Variants in TDRD7 observed in about 807,000 individuals in gnomAD.
TDRD7 encodes the protein tudor domain-containing protein 7.
In TDRD7, 47 loss-of-function variants were observed where a neutral mutation model predicts 109.8. That is an observed-to-expected ratio of 0.43 (90% CI 0.34 to 0.55). TDRD7 has a LOEUF of 0.55. Ranked by LOEUF, TDRD7 falls within the 20% of genes least tolerant of loss-of-function variation. The probability of loss-of-function intolerance (pLI) is 0.03; values close to 1 mark genes in which losing one functional copy is unlikely to be tolerated. For missense variants in TDRD7, 1,164 were observed against 1,319.2 expected, an observed-to-expected ratio of 0.88 and a Z score of 1.82; for synonymous variants, 424 against 457.3, an observed-to-expected ratio of 0.93 and a Z score of 0.93.
In TDRD7 at chr9:97,427,535, C is replaced by A. The variant is rs74637352; in HGVS notation, c.-6-925C>A. Among the ~76,000 whole-genome samples the A allele has an allele frequency of 7.9e-3, 1,199 of 152,274 alleles. 40 individuals are homozygous for A. The East Asian group carries it at 0.1, about 13-fold the overall frequency. ...CCAGCTTAGACTTCTAACCTAATTT[C>A]CTAGTGAATATATCTGCATGGCTGT... On this transcript the variant is annotated intron_variant, in intron 1 of 16. Transcript: ENST00000355295.
rs1016787696 is a variant in TDRD7 at position 97,416,958 on chromosome 9, A to G, written c.-7+4720A>G. On this transcript the variant is annotated intron_variant, in intron 1 of 16. Transcript: ENST00000355295. The stretch of plus-strand genomic sequence containing the variant: ...ACCATTAAATGGAGAAGAATATTGG[A>G]TGGTGATAAGTGCTAAGGAGAAAAT... Among the ~76,000 whole-genome samples the G allele has an allele frequency of 3.3e-5, 5 of 152,188 alleles. No homozygotes were observed. The South Asian group carries it at 6.2e-4, about 19-fold the overall frequency.
At chr9:97,481,564 T>C (rs1156538262) in intron 14 of TDRD7, among the ~76,000 whole-genome samples, 2 of 152,236 alleles carry the variant, frequency 1.3e-5, no homozygotes, top group Non-Finnish European at 2.9e-5. Context: ...TAAAATGAAA[T>C]GTCCTTGAAA....
chr9:97,447,217 C>T lies in TDRD7; in HGVS notation c.855+5342C>T, dbSNP rs369443266. 3.9e-5 allele frequency among the ~76,000 whole-genome samples: 6 copies of T among 152,048 alleles called. No individual in the cohort carries two copies. In the East Asian group the frequency reaches 9.6e-4, roughly 24 times the overall value. On this transcript the variant is annotated intron_variant, in intron 6 of 16. Transcript: ENST00000355295. ...TGAAACAGAAACTACCCATAAGGCC[C>T]CATAGTACACTAGAAGGAGTTTGGG...
chr9:97,451,235 C>T (rs1828485055), intron 6 of TDRD7, among the ~76,000 whole-genome samples: 1 of 152,122 alleles, frequency 6.6e-6, no homozygotes, highest in East Asian at 1.9e-4. Context: ...AGCATCTCTT[C>T]ATTGGTATTT....
Position 97,472,319 on chromosome 9 carries a change from G to C in TDRD7, c.1768G>C (p.Asp590His), listed in dbSNP as rs1828932915. 7 of 1,613,890 alleles carry C rather than the reference G, an allele frequency of 4.3e-6. No homozygotes were observed. The highest frequency in any genetic ancestry group is 1.7e-5 in the Admixed American group (1 of 60,010). ...CTTGGAAGTCCTAAGCGATGACCCTGATCTAGTGAAGGTGGTTGAATCTTT... is the reference window on the plus strand; with the variant it reads ...CTTGGAAGTCCTAAGCGATGACCCTCATCTAGTGAAGGTGGTTGAATCTTT... Reference protein sequence around the residue: ...AGLEVLSDDPDLVKVVESLTC... With the variant: ...AGLEVLSDDPHLVKVVESLTC... The change falls in exon 10 of 17, where the codon GAT becomes CAT. Residue 590 changes from aspartate (D) to histidine (H), a missense_variant. By Grantham distance (81) the Asp-to-His change is moderately conservative. This residue lies in a region of TDRD7 where 261 missense variants were observed against 336.2 expected (regional missense o/e 0.78). Transcript: ENST00000355295.
At chr9:97,467,216 T>C (rs1309854577) in intron 8 of TDRD7, among the ~76,000 whole-genome samples, 1 of 152,248 alleles carries the variant, frequency 6.6e-6, no homozygotes, top group East Asian at 1.9e-4. Context: ...CACAGAGATT[T>C]CTTATGAAGA....
intron 1 of TDRD7, among the ~76,000 whole-genome samples, chr9:97,425,031 CAT>C (rs1291862766): frequency 6.6e-6 from 1 of 152,080 alleles, no homozygotes; most frequent in African/African-American, 2.4e-5. Context: ...TACAGCGCCT[CAT>C]GTGTAGTGTA....
chr9:97,428,547 C>T lies in TDRD7; in HGVS notation c.82C>T (p.Gln28Ter). 4.3e-6 allele frequency: 7 copies of T among 1,614,022 alleles called. No homozygotes were observed. The highest frequency in any genetic ancestry group is 5.9e-6 in the Non-Finnish European group (7 of 1,179,960). The change falls in exon 2 of 17, where the codon CAA becomes TAA. Residue 28 changes from glutamine (Q) to a stop codon, truncating the protein, a stop_gained. Coordinates refer to ENST00000355295, the MANE Select transcript of TDRD7 (RefSeq NM_014290.3). LOFTEE classifies it high-confidence loss of function. ...HKNGVALPRL[Q>*]GEYRSLTGDW... ...GAATGGAGTAGCATTACCCCGGCTC[C>T]AAGGAGAGTACAGATCCTTGACTGG...
In TDRD7 at chr9:97,460,518, A is replaced by G. The variant is rs1564206174; in HGVS notation, c.1196A>G (p.Lys399Arg). Residue 399 changes from lysine to arginine, a missense_variant, in exon 7 of 17, where the codon AAG becomes AGG. By Grantham distance (26) the Lys-to-Arg change is conservative. Transcript: ENST00000355295. ...GACTACATTTCTGGAAATCCCCAGA[A>G]GGCCATTCTCTATGCTAAACTTCCA... ...SIDYISGNPQ[K>R]AILYAKLPLP... 11 of 1,614,246 alleles carry G rather than the reference A, an allele frequency of 6.8e-6. No individual in the cohort carries two copies. Among genetic ancestry groups the G allele is most frequent in the Non-Finnish European group, 7.6e-6 (9 of 1,180,042 alleles).
chr9:97,487,193 A>C lies in TDRD7; in HGVS notation c.2937A>C (p.Lys979Asn). Residue 979 changes from lysine to asparagine, a missense_variant, in exon 16 of 17, where the codon AAA becomes AAC. By Grantham distance (94) the Lys-to-Asn change is moderately conservative. Transcript: ENST00000355295. ...VENKWHRVLLKGILTNGLVSV... is the reference protein window; with the variant it reads ...VENKWHRVLLNGILTNGLVSV... ...CTAGGTGGCACAGGGTGCTTTTAAA[A>C]GGAATCCTGACCAATGGACTGGTAT... The C allele has an allele frequency of 6.2e-7, 1 of 1,613,998 alleles. No individual in the cohort carries two copies. The highest frequency in any genetic ancestry group is 8.5e-7 in the Non-Finnish European group (1 of 1,179,898).
At chr9:97,489,149 T>C (rs984262971) in intron 16 of TDRD7, among the ~76,000 whole-genome samples, 2 of 152,250 alleles carry the variant, frequency 1.3e-5, no homozygotes, top group Non-Finnish European at 2.9e-5. Flanking sequence ...AGATGTTAAT[T>C]ACATCCAGTT....
chr9:97,420,543 G>T (rs1001635015), intron 1 of TDRD7, among the ~76,000 whole-genome samples: 1 of 152,112 alleles, frequency 6.6e-6, no homozygotes, highest in Non-Finnish European at 1.5e-5. Flanking sequence ...CATGTATGTA[G>T]CCTTTTGTGT....
chr9:97,492,553 C>T (rs1343401806), intron 16 of TDRD7, among the ~76,000 whole-genome samples: 1 of 152,176 alleles, frequency 6.6e-6, no homozygotes, highest in Non-Finnish European at 1.5e-5. Context: ...CCTATCCTGT[C>T]TATGTGACTG....
intron 15 of TDRD7, among the ~76,000 whole-genome samples, chr9:97,485,884 A>C (rs1402239812): frequency 6.6e-6 from 1 of 152,128 alleles, no homozygotes; most frequent in Non-Finnish European, 1.5e-5. Flanking sequence ...TCTGTGTCCC[A>C]GTTGTCTCTG....
rs1829193320 is a variant in TDRD7, at chr9:97,485,246, A to T, written c.2915+1895A>T. Among the ~76,000 whole-genome samples, 4 of 152,208 alleles carry T rather than the reference A, an allele frequency of 2.6e-5. 1 individual carries two copies. Among genetic ancestry groups the T allele is most frequent in the Admixed American group, 2.6e-4 (4 of 15,278 alleles). ...CTTGGAAAACCTATTAAAAATGCAG[A>T]TTCTTCTTCCTTACCCCAGGCATTC... On this transcript the variant is annotated intron_variant, in intron 15 of 16. Transcript: ENST00000355295.
chr9:97,430,956 C>T lies in TDRD7; in HGVS notation c.231C>T (p.Cys77=), dbSNP rs143579801. 1.9e-3 allele frequency: 3,049 copies of T among 1,613,818 alleles called. 6 individuals carry two copies. The highest frequency in any genetic ancestry group is 2.3e-3 in the Non-Finnish European group (2,702 of 1,179,804). The change falls in exon 3 of 17, where the codon TGC becomes TGT. Residue 77 remains cysteine (C), a synonymous_variant. Transcript: ENST00000355295. ...SGEITCYAMA[C]TETARIAQLV... is the part of the protein sequence containing the mutation. The stretch of plus-strand genomic sequence containing the variant: ...AGATTACCTGCTATGCCATGGCCTG[C>T]ACAGAAACTGCAAGAATTGCTCAGC...
chr9:97,454,822 A>G (rs1488738757), intron 6 of TDRD7, among the ~76,000 whole-genome samples: 1 of 152,172 alleles, frequency 6.6e-6, no homozygotes, highest in Non-Finnish European at 1.5e-5. Context: ...GACAAGAAAT[A>G]ACTAAGATCA....
At chr9:97,444,327 G>A (rs1212433724) in intron 6 of TDRD7, among the ~76,000 whole-genome samples, 1 of 152,160 alleles carries the variant, frequency 6.6e-6, no homozygotes, top group Non-Finnish European at 1.5e-5. Context: ...AGTCAAGTGG[G>A]ATGCCAGAAA....
rs75236166 is a variant in TDRD7 at position 97,463,664 on chromosome 9, C to T, written c.1443-1178C>T. ...CTGGGACAGCTTCTCTTACATGACC[C>T]AAACTTGATATGCCAGGTTTTACAC... On this transcript the variant is annotated intron_variant, in intron 7 of 16. Transcript: ENST00000355295. 8.2e-3 allele frequency among the ~76,000 whole-genome samples: 1,252 copies of T among 152,212 alleles called. 43 individuals are homozygous for T. In the East Asian group the frequency reaches 0.11, roughly 13 times the overall value.
Sources: allele counts gnomAD v4.1 joint callset (sites outside exome capture counted in the v4.1 genomes callset), GRCh38; gene constraint gnomAD v4.1.1; regional missense constraint gnomAD v4.1.1; transcripts MANE v1.5; gene names NCBI Gene and HGNC (gene_info 2026-07-23, HGNC 2026-07-21).